Variants in TNNI3K observed in about 807,000 individuals in gnomAD.
TNNI3K encodes TNNI3 interacting kinase, also known as serine/threonine-protein kinase TNNI3K.
In TNNI3K, 140 loss-of-function variants were observed where a neutral mutation model predicts 114.5. That is an observed-to-expected ratio of 1.22 (90% confidence interval 1.07 to 1.41). The LOEUF is 1.41. Ranked by LOEUF, TNNI3K falls within the 40% of genes most tolerant of loss-of-function variation. The pLI, the probability that TNNI3K is intolerant of heterozygous loss-of-function variation, is 0.00. For synonymous variants in TNNI3K, 347 were observed against 347.5 expected, an observed-to-expected ratio of 1.00 and a Z score of 0.02; for missense variants, 1,125 against 1,007.6, an observed-to-expected ratio of 1.12 and a Z score of -1.58.
chr1:74,353,393 T>C, intron 10 of TNNI3K, 33 bp downstream of exon 10: 1 of 1,610,474 alleles, frequency 6.2e-7, no homozygotes, highest in Non-Finnish European at 8.5e-7. Flanking sequence ...ACTAGTTCTA[T>C]ATGCTTATCA....
chr1:74,353,978 A>G lies in TNNI3K; in HGVS notation c.1028-2A>G, dbSNP rs139261072. The G allele has an allele frequency of 2.0e-5, 32 of 1,598,578 alleles. 1 individual carries two copies. In the African/African-American group the frequency reaches 4.0e-4, roughly 20 times the overall value. On this transcript the variant is annotated splice_acceptor_variant, in intron 10 of 24. Coordinates refer to ENST00000326637, the MANE Select transcript of TNNI3K (RefSeq NM_015978.3). LOFTEE classifies it high-confidence loss of function. ...TGTTCTTTCAATTCTTTTCTATTAC[A>G]GGATTACACTCTGCTTGCTACCACG...
At chr1:74,513,296 C>T (rs192611484) in intron 23 of TNNI3K, among the ~76,000 whole-genome samples, 3 of 152,166 alleles carry the variant, frequency 2.0e-5, no homozygotes, top group African/African-American at 4.8e-5. Flanking sequence ...GAGTCCCTGT[C>T]CTTTCATTAT....
intron 17 of TNNI3K, among the ~76,000 whole-genome samples, chr1:74,411,621 A>G (rs927300696): frequency 1.3e-5 from 2 of 152,004 alleles, no homozygotes; most frequent in Admixed American, 1.3e-4. Flanking sequence ...TTGATTGCCT[A>G]CTATGTGTCT....
At chr1:74,420,525 G>C (rs756191982) in intron 17 of TNNI3K, among the ~76,000 whole-genome samples, 3 of 152,042 alleles carry the variant, frequency 2.0e-5, no homozygotes, top group Non-Finnish European at 2.9e-5. Context: ...CTTTCTCAAA[G>C]CTTTCAAAAT....
At chr1:74,467,090 A>G (rs897902435) in intron 21 of TNNI3K, among the ~76,000 whole-genome samples, 2 of 152,212 alleles carry the variant, frequency 1.3e-5, no homozygotes, top group African/African-American at 4.8e-5. Context: ...AGCTGAGGCC[A>G]TAAACAGTAG....
At chr1:74,390,693 A>G (rs35057716) in intron 17 of TNNI3K, among the ~76,000 whole-genome samples, 1 of 152,120 alleles carries the variant, frequency 6.6e-6, no homozygotes, top group African/African-American at 2.4e-5. Flanking sequence ...GCAGGAGGAG[A>G]CAGATAATAA....
rs1207824218 is a variant in TNNI3K at position 74,367,346 on chromosome 1, C to T, written c.1264+4C>T. ...GAATATTCTCAGCCTGGAGGAGGTA[C>T]CCCTTTTCTTATTCAGTTTTCATTA... On this transcript the variant is annotated splice_donor_region_variant and intron_variant, in intron 12 of 24. Transcript: ENST00000326637. 2 of 1,611,556 alleles carry T rather than the reference C, an allele frequency of 1.2e-6. No homozygotes were observed. Among genetic ancestry groups the T allele is most frequent in the Admixed American group, 1.7e-5 (1 of 59,806 alleles).
At chr1:74,254,561 G>A (rs749401558) in intron 4 of TNNI3K, among the ~76,000 whole-genome samples, 5 of 151,844 alleles carry the variant, frequency 3.3e-5, no homozygotes, top group East Asian at 1.9e-4. Flanking sequence ...TATTGCAATC[G>A]AATTTTATTT....
intron 21 of TNNI3K, chr1:74,480,583 A>C: frequency 1.4e-6 from 1 of 717,266 alleles, no homozygotes; most frequent in Non-Finnish European, 2.6e-6. Flanking sequence ...GATACCTGAG[A>C]CTGTGGAGAT....
At chr1:74,502,258 C>T (rs1669671466) in intron 23 of TNNI3K, among the ~76,000 whole-genome samples, 1 of 152,178 alleles carries the variant, frequency 6.6e-6, no homozygotes, top group Non-Finnish European at 1.5e-5. Context: ...GCTGCTGTTT[C>T]TCCAGTACTT....
chr1:74,466,469 T>TA (rs991812170), intron 21 of TNNI3K, among the ~76,000 whole-genome samples: 6 of 151,976 alleles, frequency 3.9e-5, no homozygotes, highest in South Asian at 2.1e-4. Flanking sequence ...AGGATACTGT[T>TA]AAAAAAAAGA....
chr1:74,439,370 T>C lies in TNNI3K; in HGVS notation c.1879-120T>C, dbSNP rs1222437819. 8.2e-6 allele frequency: 12 copies of C among 1,457,978 alleles called. No individual in the cohort carries two copies. The African/African-American group carries it at 1.1e-4, about 14-fold the overall frequency. 90.3% of individuals were successfully genotyped at this position (1,457,978 alleles called of 1,614,324 possible). A position where few individuals can be genotyped will look rare whatever the true frequency, so the allele number is the denominator to read the frequency against. ...GGCAATATGTATGGATGTTAATTTATATTTATGCCTTTTGAGAGCATCGGG... is the reference window on the plus strand; with the variant it reads ...GGCAATATGTATGGATGTTAATTTACATTTATGCCTTTTGAGAGCATCGGG... On this transcript the variant is annotated intron_variant, in intron 19 of 24. Coordinates refer to ENST00000326637, the MANE Select transcript of TNNI3K (RefSeq NM_015978.3).
chr1:74,295,113 A>T (rs2100300541), intron 5 of TNNI3K, among the ~76,000 whole-genome samples: 1 of 151,996 alleles, frequency 6.6e-6, no homozygotes, highest in African/African-American at 2.4e-5. Flanking sequence ...TTCCATTATT[A>T]TTTGTCTCAT....
intron 20 of TNNI3K, among the ~76,000 whole-genome samples, chr1:74,453,854 G>A (rs1182550213): frequency 2.0e-5 from 3 of 152,286 alleles, no homozygotes; most frequent in Admixed American, 6.5e-5. Context: ...GAGCAGGAAC[G>A]TAGGTATACC....
At chr1:74,453,995 A>G (rs989775019) in intron 20 of TNNI3K, among the ~76,000 whole-genome samples, 2 of 152,206 alleles carry the variant, frequency 1.3e-5, no homozygotes, top group Non-Finnish European at 2.9e-5. Flanking sequence ...GCTAAAGAGA[A>G]TTGGCATGTG....
rs180785207 is a variant in TNNI3K, at chr1:74,538,603, G to A, written c.2352-1631G>A. Among the ~76,000 whole-genome samples, 4 of 152,260 alleles carry A rather than the reference G, an allele frequency of 2.6e-5. No individual in the cohort carries two copies. In the East Asian group the frequency reaches 7.7e-4, roughly 29 times the overall value. ...AAATAAGGCGATGTGATGTGATAGA[G>A]AGTGGCCATGGGCAGAGGAATAGTC... On this transcript the variant is annotated intron_variant, in intron 23 of 24. Transcript: ENST00000326637.
At chr1:74,493,848 T>C (rs1353933612) in intron 23 of TNNI3K, among the ~76,000 whole-genome samples, 1 of 152,202 alleles carries the variant, frequency 6.6e-6, no homozygotes, top group East Asian at 1.9e-4. Flanking sequence ...CTGACAACAT[T>C]CCATTGGCAA....
intron 5 of TNNI3K, among the ~76,000 whole-genome samples, chr1:74,330,754 A>G (rs74417541): frequency 6.6e-6 from 1 of 152,152 alleles, no homozygotes; most frequent in Admixed American, 6.5e-5. Context: ...ATGGCTTTCC[A>G]TGATGACAAT....
At chr1:74,390,937 T>A (rs1663731228) in intron 17 of TNNI3K, among the ~76,000 whole-genome samples, 2 of 125,890 alleles carry the variant, frequency 1.6e-5, no homozygotes, top group Non-Finnish European at 1.6e-5. Flanking sequence ...AATCTCTAGG[T>A]AGGAATGAAA....
Sources: allele counts gnomAD v4.1 joint callset (sites outside exome capture counted in the v4.1 genomes callset), GRCh38; gene constraint gnomAD v4.1.1; transcripts MANE v1.5; gene names NCBI Gene and HGNC (gene_info 2026-07-23, HGNC 2026-07-21).